CFAP47: variants seen among roughly 807,000 people sequenced by gnomAD.
The protein encoded by CFAP47 is cilia- and flagella-associated protein 47.
In CFAP47, 29 loss-of-function variants were observed where a neutral mutation model predicts 148.1. That is an observed-to-expected ratio of 0.20 (90% CI 0.15 to 0.27). CFAP47 has a LOEUF of 0.27. Among genes scored for constraint, CFAP47 ranks in the 10% least tolerant of loss-of-function variants. The probability of loss-of-function intolerance (pLI) is 1.00; values close to 1 mark genes in which losing one functional copy is unlikely to be tolerated. For synonymous variants in CFAP47, 664 were observed against 577.3 expected (o/e 1.15, Z -2.15); for missense variants, 1,872 against 1,697.5 (o/e 1.10, Z -1.81).
intron 33 of CFAP47, among the ~76,000 whole-genome samples, chrX:36,125,432 A>G (rs1358265154): frequency 2.7e-5 from 3 of 111,699 alleles, no homozygotes; most frequent in Admixed American, 1.9e-4. Context: ...AGCTGATTAA[A>G]TAAAATTTTT....
Position 36,345,111 on chromosome X carries a change from C to T in CFAP47, c.8444-3018C>T, listed in dbSNP as rs782007610. 2.6e-4 allele frequency among the ~76,000 whole-genome samples: 29 copies of T among 111,874 alleles called. No individual in the cohort carries two copies. The South Asian group carries it at 0.011, about 41-fold the overall frequency. On this transcript the variant is annotated intron_variant, in intron 57 of 63. Coordinates refer to ENST00000378653, the MANE Select transcript of CFAP47 (RefSeq NM_001304548.2). ...GTTCTTGCAAATATCTCTGTGTATA[C>T]AAAATGTAATGACCTTCATAATGTA...
At chrX:35,990,392 C>T (rs1300422182) in intron 16 of CFAP47, among the ~76,000 whole-genome samples, 3 of 110,958 alleles carry the variant, frequency 2.7e-5, no homozygotes, top group Non-Finnish European at 3.8e-5. Context: ...CCTGAAAAAT[C>T]GAAGAGGTGG....
At chrX:36,336,954 A>T (rs1324559919) in intron 57 of CFAP47, among the ~76,000 whole-genome samples, 1 of 112,043 alleles carries the variant, frequency 8.9e-6, no homozygotes, top group African/African-American at 3.2e-5. Flanking sequence ...ATTGGCAGCT[A>T]AGCATGGTTT....
At chrX:36,165,402 G>A (rs762827454) in intron 39 of CFAP47, among the ~76,000 whole-genome samples, 1 of 110,542 alleles carries the variant, frequency 9.0e-6, no homozygotes, top group Non-Finnish European at 1.9e-5. Flanking sequence ...CTTAATGATT[G>A]CACCAGAGTT....
intron 57 of CFAP47, among the ~76,000 whole-genome samples, chrX:36,326,270 C>T (rs1941516681): frequency 9.1e-6 from 1 of 109,461 alleles, no homozygotes; most frequent in African/African-American, 3.4e-5. Flanking sequence ...TTTGCACTTA[C>T]AGAAGAATTT....
At chrX:35,940,332 G>A (rs779930454) in intron 2 of CFAP47, among the ~76,000 whole-genome samples, 1 of 111,024 alleles carries the variant, frequency 9.0e-6, no homozygotes, top group East Asian at 2.9e-4. Context: ...GGCTTTTGTT[G>A]CCATTGCTTT....
intron 13 of CFAP47, among the ~76,000 whole-genome samples, chrX:35,974,532 A>G (rs986893350): frequency 9.0e-6 from 1 of 111,014 alleles, no homozygotes; most frequent in East Asian, 2.8e-4. Flanking sequence ...AAGGAATGTA[A>G]AGGGGCACAA....
chrX:36,017,011 T>C (rs1937104321), intron 22 of CFAP47, among the ~76,000 whole-genome samples: 1 of 111,280 alleles, frequency 9.0e-6, no homozygotes, highest in African/African-American at 3.3e-5. Flanking sequence ...TTAAATCGGA[T>C]TATTAGATTT....
intron 29 of CFAP47, among the ~76,000 whole-genome samples, chrX:36,075,789 GT>G (rs1419819777): frequency 3.6e-5 from 4 of 111,307 alleles, no homozygotes; most frequent in Non-Finnish European, 7.5e-5. Flanking sequence ...GCGGTATTTG[GT>G]TTTTTTGTTC....
rs1224284989 is a variant in CFAP47, at chrX:36,323,369, ATG to A, written c.8443+4066_8443+4067del. On this transcript the variant is annotated intron_variant, in intron 57 of 63. Transcript: ENST00000378653. Reference sequence around the variant, plus strand: ...TTTTTTTCTCTCTCTCTCTAATGCTATGTGTATTTTTAGGTAGAGGAAGTGAT... The same window carrying A: ...TTTTTTTCTCTCTCTCTCTAATGCTATGTATTTTTAGGTAGAGGAAGTGAT... Among the ~76,000 whole-genome samples, 16 of 106,330 alleles carry A rather than the reference ATG, an allele frequency of 1.5e-4. No homozygotes were observed. The Admixed American group carries it at 1.6e-3, about 11-fold the overall frequency. 92.3% of individuals were successfully genotyped at this position (106,330 alleles called of 115,157 possible).
At chrX:36,342,558 A>G (rs192714558) in intron 57 of CFAP47, among the ~76,000 whole-genome samples, 1 of 111,821 alleles carries the variant, frequency 8.9e-6, no homozygotes, top group Admixed American at 9.5e-5. Context: ...CCTGAAATAA[A>G]CCCAAATATA....
intron 33 of CFAP47, among the ~76,000 whole-genome samples, chrX:36,124,182 A>T (rs1284854657): frequency 9.0e-6 from 1 of 110,610 alleles, no homozygotes. Context: ...GGTTCTCCCA[A>T]CTCTTCCCTC....
intron 8 of CFAP47, among the ~76,000 whole-genome samples, chrX:35,965,238 A>T (rs1415625485): frequency 9.0e-6 from 1 of 111,671 alleles, no homozygotes; most frequent in Non-Finnish European, 1.9e-5. Flanking sequence ...TCAGCTAATG[A>T]TTGGATAGAG....
chrX:36,243,091 C>T (rs1448709133), intron 48 of CFAP47, among the ~76,000 whole-genome samples: 1 of 111,405 alleles, frequency 9.0e-6, no homozygotes, highest in Non-Finnish European at 1.9e-5. Flanking sequence ...CCCAACAAAG[C>T]TTCATAAGTG....
At chrX:35,927,318 T>G (rs1326816860) in intron 2 of CFAP47, among the ~76,000 whole-genome samples, 1 of 111,795 alleles carries the variant, frequency 8.9e-6, no homozygotes, top group East Asian at 2.8e-4. Flanking sequence ...AAACAAGCTA[T>G]TAACCCAGTA....
intron 39 of CFAP47, among the ~76,000 whole-genome samples, chrX:36,173,850 A>G (rs1020298317): frequency 9.0e-6 from 1 of 111,588 alleles, no homozygotes; most frequent in Non-Finnish European, 1.9e-5. Context: ...ATTCCTAGGT[A>G]TCCTTGTTGA....
chrX:36,380,088 G>A (rs1488155617), intron 63 of CFAP47, among the ~76,000 whole-genome samples: 1 of 111,837 alleles, frequency 8.9e-6, no homozygotes, highest in Non-Finnish European at 1.9e-5. Context: ...GCTCTATAAA[G>A]TTTCACACAT....
chrX:36,113,968 C>A (rs767962510), intron 33 of CFAP47, among the ~76,000 whole-genome samples: 113 of 109,331 alleles, frequency 1.0e-3, no homozygotes, highest in African/African-American at 3.7e-3. Flanking sequence ...CACCACCATG[C>A]CCAGCTAATT....
chrX:36,248,073 A>C (rs991753375), intron 48 of CFAP47, among the ~76,000 whole-genome samples: 21 of 109,062 alleles, frequency 1.9e-4, no homozygotes, highest in Non-Finnish European at 2.1e-4. Flanking sequence ...AAAAGTGTCA[A>C]TCTATCAGGA....
Sources: allele counts gnomAD v4.1 joint callset (sites outside exome capture counted in the v4.1 genomes callset), GRCh38; gene constraint gnomAD v4.1.1; transcripts MANE v1.5; gene names NCBI Gene and HGNC (gene_info 2026-07-23, HGNC 2026-07-21).